The following HIPK3 variants were observed in gnomAD, a reference collection of about 807,000 sequenced individuals.
The protein encoded by HIPK3 is homeodomain interacting protein kinase 3.
HIPK3 carries 47 observed loss-of-function variants against 124.2 expected under a neutral mutation model. That is an observed-to-expected ratio of 0.38 (90% CI 0.30 to 0.48). The LOEUF is 0.48. Among genes scored for constraint, HIPK3 ranks in the 20% least tolerant of loss-of-function variants. The pLI, the probability that HIPK3 is intolerant of heterozygous loss-of-function variation, is 0.98. For synonymous variants in HIPK3, 482 were observed against 515.2 expected (o/e 0.94, Z 0.87); for missense variants, 1,286 against 1,454.3 (o/e 0.88, Z 1.88).
At chr11:33,266,619 A>G (rs1243955824) in intron 1 of HIPK3, among the ~76,000 whole-genome samples, 1 of 152,112 alleles carries the variant, frequency 6.6e-6, no homozygotes, top group African/African-American at 2.4e-5. Flanking sequence ...AGGTGGGAGG[A>G]TTGCCTGAGC....
chr11:33,348,104 A>C (rs1853553003), intron 11 of HIPK3, 62 bp from the exon 12 acceptor site: 1 of 1,606,012 alleles, frequency 6.2e-7, no homozygotes, highest in African/African-American at 1.3e-5. Flanking sequence ...TGTTGTATTC[A>C]AAATGACCTC....
Position 33,352,960 on chromosome 11 carries a change from G to C in HIPK3, c.3172-132G>C, listed in dbSNP as rs181634274. ...TTTTTCTCTCCTCTAGTTATTCTTAGTATAAGTTAGTTCTGAGAGATCCAC... is the reference window on the plus strand; with the variant it reads ...TTTTTCTCTCCTCTAGTTATTCTTACTATAAGTTAGTTCTGAGAGATCCAC... On this transcript the variant is annotated intron_variant, in intron 16 of 16. Coordinates refer to ENST00000303296, the MANE Select transcript of HIPK3 (RefSeq NM_005734.5). 3.0e-5 allele frequency: 18 copies of C among 592,546 alleles called. No homozygotes were observed. In the African/African-American group the frequency reaches 3.2e-4, roughly 10 times the overall value. The allele number at this position is 592,546 out of a possible 1,614,324, so 36.7% of individuals were successfully genotyped here. A position where few individuals can be genotyped will look rare whatever the true frequency, so the allele number is the denominator to read the frequency against.
At chr11:33,348,936 A>G (rs898829115) in intron 13 of HIPK3, 118 bp downstream of exon 13, 1 of 1,025,528 alleles carries the variant, frequency 9.8e-7, no homozygotes, top group East Asian at 2.6e-5. Context: ...AAACCTTTAA[A>G]TTAGATAACC....
intron 2 of HIPK3, among the ~76,000 whole-genome samples, chr11:33,321,005 T>C (rs1401941768): frequency 6.6e-6 from 1 of 152,032 alleles, no homozygotes; most frequent in Non-Finnish European, 1.5e-5. Flanking sequence ...TTAGTGCACA[T>C]AGAGAGGATA....
chr11:33,275,294 T>A (rs1590346869), intron 1 of HIPK3, among the ~76,000 whole-genome samples: 1 of 152,178 alleles, frequency 6.6e-6, no homozygotes, highest in Non-Finnish European at 1.5e-5. Context: ...CGCCTCAGCC[T>A]CCCAAAGTGC....
chr11:33,309,929 ATT>A (rs1852272391), intron 2 of HIPK3, among the ~76,000 whole-genome samples: 1 of 152,146 alleles, frequency 6.6e-6, no homozygotes, highest in African/African-American at 2.4e-5. Flanking sequence ...CATTTGTTGA[ATT>A]TGTTTTTTTA....
At chr11:33,295,234 C>T (rs1018310689) in intron 2 of HIPK3, among the ~76,000 whole-genome samples, 7 of 151,758 alleles carry the variant, frequency 4.6e-5, no homozygotes, top group Admixed American at 2.6e-4. Context: ...AGCTTCCTCC[C>T]GATTTGGCAT....
intron 3 of HIPK3, among the ~76,000 whole-genome samples, chr11:33,335,045 G>T (rs1200120684): frequency 6.6e-6 from 1 of 152,110 alleles, no homozygotes; most frequent in East Asian, 1.9e-4. Context: ...TGAGGAAGAG[G>T]TACAGGGCAT....
intron 1 of HIPK3, chr11:33,258,378 C>T: frequency 1.0e-6 from 1 of 985,906 alleles, no homozygotes; most frequent in Non-Finnish European, 1.2e-6. Flanking sequence ...CTTGAGCACC[C>T]CAGCCGATGG....
chr11:33,257,807 C>A lies in HIPK3; in HGVS notation c.-85C>A. On this transcript the variant is annotated 5_prime_UTR_variant, in exon 1 of 17. Coordinates refer to ENST00000303296, the MANE Select transcript of HIPK3 (RefSeq NM_005734.5). ...CCTGCTGAAGCGCCTGGCTCCCGGT[C>A]CCCGGCACGGCCCTGCGCCCCACCC... is the stretch of plus-strand genomic sequence containing the variant. 1 of 986,774 alleles carries A rather than the reference C, an allele frequency of 1.0e-6. No homozygotes were observed. The highest frequency in any genetic ancestry group is 1.2e-6 in the Non-Finnish European group (1 of 831,032). 61.1% of individuals were successfully genotyped at this position (986,774 alleles called of 1,614,324 possible).
chr11:33,339,214 C>A, intron 5 of HIPK3, 136 bp from the exon 6 acceptor site: 3 of 596,364 alleles, frequency 5.0e-6, no homozygotes, highest in Non-Finnish European at 8.8e-6. Context: ...ATTATTTGTT[C>A]TTCTTTGTTT....
chr11:33,271,163 GTGTT>G (rs953945121), intron 1 of HIPK3, among the ~76,000 whole-genome samples: 89 of 152,264 alleles, frequency 5.8e-4, no homozygotes, highest in Non-Finnish European at 9.7e-4. Context: ...AGCATTCTAA[GTGTT>G]TGTTAATATG....
intron 3 of HIPK3, among the ~76,000 whole-genome samples, chr11:33,335,434 G>A (rs1853113225): frequency 6.6e-6 from 1 of 152,168 alleles, no homozygotes; most frequent in Non-Finnish European, 1.5e-5. Context: ...AATGGTAGTA[G>A]CCATTAGTAT....
intron 16 of HIPK3, among the ~76,000 whole-genome samples, chr11:33,352,522 A>G (rs1445107292): frequency 1.3e-5 from 2 of 152,198 alleles, no homozygotes; most frequent in Non-Finnish European, 2.9e-5. Flanking sequence ...CTGTTATCTC[A>G]GAACATCATT....
At chr11:33,261,174 T>C (rs1850814477) in intron 1 of HIPK3, among the ~76,000 whole-genome samples, 1 of 147,132 alleles carries the variant, frequency 6.8e-6, no homozygotes, top group South Asian at 2.1e-4. Context: ...TAATACATTA[T>C]ATAAAATATA....
At chr11:33,334,921 A>AT (rs1467365916) in intron 3 of HIPK3, among the ~76,000 whole-genome samples, 1 of 152,200 alleles carries the variant, frequency 6.6e-6, no homozygotes, top group Non-Finnish European at 1.5e-5. Flanking sequence ...GGCTTGTGAA[A>AT]TTGTATAACT....
At chr11:33,307,170 C>G (rs1590382877) in intron 2 of HIPK3, among the ~76,000 whole-genome samples, 1 of 152,000 alleles carries the variant, frequency 6.6e-6, no homozygotes, top group African/African-American at 2.4e-5. Flanking sequence ...AACTCCTGAC[C>G]TCAGGTGATC....
chr11:33,257,594 C>A lies in HIPK3; in HGVS notation c.-298C>A. On this transcript the variant is annotated 5_prime_UTR_variant, in exon 1 of 17. Transcript: ENST00000303296. ...GACCGGCCTCCCACTACCCCTCGCC[C>A]TAGCCAAGCCGTCCCCACCCCAAAT... 3 of 986,606 alleles carry A rather than the reference C, an allele frequency of 3.0e-6. No homozygotes were observed. The highest frequency in any genetic ancestry group is 3.6e-6 in the Non-Finnish European group (3 of 830,548). The allele number at this position is 986,606 out of a possible 1,614,324, so 61.1% of individuals were successfully genotyped here.
At chr11:33,264,133 T>C (rs1359188298) in intron 1 of HIPK3, among the ~76,000 whole-genome samples, 1 of 152,162 alleles carries the variant, frequency 6.6e-6, no homozygotes, top group African/African-American at 2.4e-5. Context: ...ACTTTTACCT[T>C]GCATTTTCTT....
Sources: gnomAD v4.1 joint callset for allele counts (sites outside exome capture counted in the v4.1 genomes callset) on GRCh38, gnomAD v4.1.1 for gene constraint, MANE v1.5 for transcripts, NCBI Gene and HGNC (gene_info 2026-07-23, HGNC 2026-07-21) for gene names.